LATS2: variants seen among roughly 807,000 people sequenced by gnomAD.
LATS2 encodes the protein serine/threonine-protein kinase LATS2.
In LATS2, 24 loss-of-function variants were observed where a neutral mutation model predicts 76.0. The ratio of observed to expected loss-of-function variants is 0.32; its 90% CI spans 0.23 to 0.44. The LOEUF is 0.44. Among genes scored for constraint, LATS2 ranks in the 20% least tolerant of loss-of-function variants. The probability of loss-of-function intolerance (pLI) is 1.00; values close to 1 mark genes in which losing one functional copy is unlikely to be tolerated. For synonymous variants in LATS2, 692 were observed against 635.4 expected, an observed-to-expected ratio of 1.09 and a Z score of -1.34; for missense variants, 1,286 against 1,481.2, an observed-to-expected ratio of 0.87 and a Z score of 2.16.
chr13:21,012,393 CGTAA>C (rs1387998385), intron 2 of LATS2, among the ~76,000 whole-genome samples: 4 of 152,038 alleles, frequency 2.6e-5, no homozygotes, highest in African/African-American at 9.7e-5. Context: ...ACCACACATG[CGTAA>C]GTAAGAGTTG....
At chr13:21,034,054 G>A (rs1382935623) in intron 2 of LATS2, among the ~76,000 whole-genome samples, 1 of 152,124 alleles carries the variant, frequency 6.6e-6, no homozygotes, top group Non-Finnish European at 1.5e-5. Context: ...CAGCTCTCCA[G>A]CAACTTTACA....
chr13:20,984,799 A>G (rs758990811), intron 4 of LATS2, among the ~76,000 whole-genome samples: 9 of 152,320 alleles, frequency 5.9e-5, no homozygotes, highest in Admixed American at 3.3e-4. Context: ...TACCAATGAT[A>G]TTTTTCACAT....
Position 20,981,597 on chromosome 13 carries a change from ACAT to A in LATS2, c.2531_2533del (p.Asp844del), listed in dbSNP as rs1565941968. 6.2e-7 allele frequency: 1 copy of A among 1,614,206 alleles called. No individual in the cohort carries two copies. Among genetic ancestry groups the A allele is most frequent in the African/African-American group, 1.3e-5 (1 of 75,066 alleles). Reference sequence around the variant, plus strand: ...CCTGTCCCCACACCGACAGTTAGACACATCATCCCAGAGGTCGCTGGGCTCCAT... The same window carrying A: ...CCTGTCCCCACACCGACAGTTAGACACATCCCAGAGGTCGCTGGGCTCCAT... On this transcript the variant is annotated inframe_deletion, in exon 6 of 8. Coordinates refer to ENST00000382592, the MANE Select transcript of LATS2 (RefSeq NM_014572.3).
In LATS2 at chr13:20,974,851, G is replaced by T. The variant is rs753597550; in HGVS notation, c.*19C>A. ...CCTGACCTGGGAGGCAGCGAGTGGT[G>T]GGGGTGCCTGGCCCCCATCTACACG... is the stretch of plus-strand genomic sequence containing the variant. On this transcript the variant is annotated 3_prime_UTR_variant, in exon 8 of 8. Transcript: ENST00000382592. The T allele has an allele frequency of 6.3e-7, 1 of 1,586,192 alleles. No homozygotes were observed. Among genetic ancestry groups the T allele is most frequent in the Non-Finnish European group, 8.6e-7 (1 of 1,165,466 alleles).
At chr13:21,022,684 C>T (rs1872117874) in intron 2 of LATS2, among the ~76,000 whole-genome samples, 1 of 152,100 alleles carries the variant, frequency 6.6e-6, no homozygotes, top group Non-Finnish European at 1.5e-5. Context: ...AAATGTAATA[C>T]TGAAGGGGGA....
intron 2 of LATS2, among the ~76,000 whole-genome samples, chr13:21,037,247 T>C (rs182594955): frequency 5.9e-5 from 9 of 152,104 alleles, no homozygotes; most frequent in African/African-American, 2.2e-4. Flanking sequence ...TCTACAAAAA[T>C]ACAAAAATTA....
chr13:20,988,108 G>A lies in LATS2; in HGVS notation c.1672C>T (p.Arg558Cys), dbSNP rs143741195. The A allele has an allele frequency of 1.7e-5, 27 of 1,614,230 alleles. No homozygotes were observed. In the African/African-American group the frequency reaches 2.7e-4, roughly 16 times the overall value. ...PNEPEGGDKS[R>C]KSAKGDKGGK... ...CCTTTGTCCCCCTTGGCGCTTTTGC[G>A]GCTCTTGTCGCCGCCCTCGGGCTCG... is the stretch of plus-strand genomic sequence containing the variant. Residue 558 changes from arginine to cysteine, a missense_variant, in exon 4 of 8, where the codon CGC becomes TGC. Arg to Cys is a radical substitution (Grantham distance 180). Transcript: ENST00000382592.
intron 2 of LATS2, among the ~76,000 whole-genome samples, chr13:20,998,879 AC>A (rs749692731): frequency 6.7e-4 from 102 of 152,026 alleles, no homozygotes; most frequent in Non-Finnish European, 1.3e-3. Context: ...GACCTTGTGC[AC>A]GCGGGGCGGG....
rs1288722221 is a variant in LATS2, at chr13:20,989,199, G to A, written c.581C>T (p.Pro194Leu). The A allele has an allele frequency of 6.2e-7, 1 of 1,613,674 alleles. No homozygotes were observed. The highest frequency in any genetic ancestry group is 1.7e-5 in the Admixed American group (1 of 60,022). The change falls in exon 4 of 8, where the codon CCA becomes CTA. Residue 194 changes from proline (P) to leucine (L), a missense_variant. Physicochemically the swap from Pro to Leu is moderately conservative, Grantham distance 98. This residue lies in a region of LATS2 where 710 missense variants were observed against 660.9 expected (regional missense o/e 1.07). Coordinates refer to ENST00000382592, the MANE Select transcript of LATS2 (RefSeq NM_014572.3). ...HQLSGTPYEG[P>L]SFGADGPTAL... Reference sequence around the variant, plus strand: ...CGTGGGGCCGTCAGCGCCGAAGCTTGGGCCCTCGTAGGGGGTACCGCTCAG... The same window carrying A: ...CGTGGGGCCGTCAGCGCCGAAGCTTAGGCCCTCGTAGGGGGTACCGCTCAG...
intron 2 of LATS2, among the ~76,000 whole-genome samples, chr13:21,039,683 C>T (rs1019042318): frequency 3.3e-5 from 5 of 152,180 alleles, no homozygotes; most frequent in Non-Finnish European, 5.9e-5. Context: ...AAGATCCAGG[C>T]CTCCAGAGAC....
intron 2 of LATS2, among the ~76,000 whole-genome samples, chr13:21,030,982 T>G (rs1255139532): frequency 6.6e-6 from 1 of 152,230 alleles, no homozygotes; most frequent in African/African-American, 2.4e-5. Context: ...GACAGTTTGC[T>G]AGATATAAAA....
At chr13:21,047,703 TAAA>T (rs59154199) in intron 1 of LATS2, among the ~76,000 whole-genome samples, 2 of 140,894 alleles carry the variant, frequency 1.4e-5, no homozygotes, top group Non-Finnish European at 3.1e-5. Context: ...TCAAGTGGAT[TAAA>T]AAAAAAAAAA....
chr13:20,997,305 T>C (rs57965965), intron 2 of LATS2, among the ~76,000 whole-genome samples: 9,072 of 152,284 alleles, frequency 0.06, 393 homozygotes, highest in African/African-American at 0.12. Flanking sequence ...TTACATTTTG[T>C]CAACAAATTG....
At chr13:21,037,570 G>T (rs1872724094) in intron 2 of LATS2, among the ~76,000 whole-genome samples, 2 of 152,200 alleles carry the variant, frequency 1.3e-5, no homozygotes, top group Non-Finnish European at 2.9e-5. Flanking sequence ...TGTCTCACAG[G>T]CCTTAAAATC....
chr13:20,992,709 A>G lies in LATS2; in HGVS notation c.343-1305T>C, dbSNP rs372390097. The stretch of plus-strand genomic sequence containing the variant: ...AAATGTAGAACGGGGAGCTCCGGAA[A>G]GGAGTCCACAGTTACCCAGACAGCA... On this transcript the variant is annotated intron_variant, in intron 2 of 7. Transcript: ENST00000382592. Among the ~76,000 whole-genome samples, 22 of 152,288 alleles carry G rather than the reference A, an allele frequency of 1.4e-4. No homozygotes were observed. The East Asian group carries it at 3.5e-3, about 24-fold the overall frequency.
chr13:21,044,967 ATCT>A (rs1266161324), intron 2 of LATS2, among the ~76,000 whole-genome samples: 1 of 151,848 alleles, frequency 6.6e-6, no homozygotes, highest in Non-Finnish European at 1.5e-5. Flanking sequence ...GCCTCAAGTG[ATCT>A]TCTTGACTGG....
chr13:21,016,980 A>C (rs935102787), intron 2 of LATS2, among the ~76,000 whole-genome samples: 1 of 152,226 alleles, frequency 6.6e-6, no homozygotes, highest in African/African-American at 2.4e-5. Context: ...TACAGCATCA[A>C]ATCACTTATG....
rs375787806 is a variant in LATS2 at position 20,988,187 on chromosome 13, G to A, written c.1593C>T (p.Tyr531=). 3.3e-5 allele frequency: 54 copies of A among 1,613,040 alleles called. No homozygotes were observed. The highest frequency in any genetic ancestry group is 4.2e-5 in the Non-Finnish European group (49 of 1,179,870). ...HLLLRSKSEQ[Y]DLDSLCAGME... The stretch of plus-strand genomic sequence containing the variant: ...TGCCTGCGCACAGGCTGTCCAGGTC[G>A]TACTGCTCCGACTTGCTGCGCAGCA... The change falls in exon 4 of 8, where the codon TAC becomes TAT. Residue 531 remains tyrosine (Y), a synonymous_variant. Transcript: ENST00000382592.
intron 1 of LATS2, among the ~76,000 whole-genome samples, chr13:21,054,838 T>C (rs1352560523): frequency 1.3e-5 from 2 of 152,190 alleles, no homozygotes; most frequent in Non-Finnish European, 2.9e-5. Context: ...GATTATTCAG[T>C]GACATCCCTA....
Sources: gnomAD v4.1 joint callset for allele counts (sites outside exome capture counted in the v4.1 genomes callset) on GRCh38, gnomAD v4.1.1 for gene constraint, gnomAD v4.1.1 regional missense constraint, MANE v1.5 for transcripts, NCBI Gene and HGNC (gene_info 2026-07-23, HGNC 2026-07-21) for gene names.